The following BRINP3 variants were observed in gnomAD, a reference collection of about 807,000 sequenced individuals.
The protein encoded by BRINP3 is BMP/retinoic acid inducible neural specific 3, also known as BMP/retinoic acid-inducible neural-specific protein 3.
In BRINP3, 19 loss-of-function variants were observed where a neutral mutation model predicts 71.0. The observed-to-expected ratio is 0.27, with a 90% CI of 0.19 to 0.39. The LOEUF (loss-of-function observed/expected upper bound fraction) is 0.39. Ranked by LOEUF, BRINP3 falls within the 10% of genes least tolerant of loss-of-function variation. The pLI, the probability that BRINP3 is intolerant of heterozygous loss-of-function variation, is 1.00. For synonymous variants in BRINP3, 380 were observed against 337.7 expected (o/e 1.13, Z -1.37); for missense variants, 959 against 940.8 (o/e 1.02, Z -0.25).
chr1:190,420,234 T>A (rs1030248412), intron 2 of BRINP3, among the ~76,000 whole-genome samples: 28 of 151,942 alleles, frequency 1.8e-4, no homozygotes, highest in African/African-American at 6.5e-4. Flanking sequence ...AAGTTTTCAA[T>A]TGTCCCAATA....
At position 190,281,595 on chromosome 1, in the gene BRINP3, T is replaced by A; in HGVS notation, c.392A>T (p.Tyr131Phe). Residue 131 changes from tyrosine (Y) to phenylalanine (F), a missense_variant, in exon 3 of 8, where the codon TAT (tyrosine) becomes TTT (phenylalanine). Transcript: ENST00000367462. Reference protein sequence around the residue: ...QQITENLIKKYGTHFLLSATL... With the variant: ...QQITENLIKKFGTHFLLSATL... The stretch of plus-strand genomic sequence containing the variant: ...AGCAGATAGCAAGAAATGTGTCCCA[T>A]ATTTCTTGATAAGGTTTTCTGTGAT... 1 of 1,612,672 alleles carries A rather than the reference T, an allele frequency of 6.2e-7. No individual in the cohort carries two copies. The highest frequency in any genetic ancestry group is 8.5e-7 in the Non-Finnish European group (1 of 1,179,136).
chr1:190,306,565 G>A (rs963529341), intron 2 of BRINP3, among the ~76,000 whole-genome samples: 2 of 151,878 alleles, frequency 1.3e-5, no homozygotes, highest in African/African-American at 4.8e-5. Flanking sequence ...GGAGGTGGGG[G>A]TATAACTTTA....
At chr1:190,344,128 A>G (rs942803833) in intron 2 of BRINP3, among the ~76,000 whole-genome samples, 3 of 151,786 alleles carry the variant, frequency 2.0e-5, no homozygotes, top group Admixed American at 6.6e-5. Flanking sequence ...ATTTCAGTAG[A>G]AAAAAATCTT....
chr1:190,187,808 T>C (rs1041631438), intron 6 of BRINP3, among the ~76,000 whole-genome samples: 3 of 152,086 alleles, frequency 2.0e-5, no homozygotes, highest in Non-Finnish European at 2.9e-5. Flanking sequence ...TGAGGTCAGA[T>C]AGTGTGATGT....
chr1:190,359,263 G>C lies in BRINP3; in HGVS notation c.237-77513C>G, dbSNP rs111363388. Among the ~76,000 whole-genome samples the C allele has an allele frequency of 3.3e-3, 502 of 152,090 alleles. 6 individuals are homozygous for C. Among genetic ancestry groups the C allele is most frequent in the African/African-American group, 0.011 (474 of 41,494 alleles). On this transcript the variant is annotated intron_variant, in intron 2 of 7. Transcript: ENST00000367462. ...GGAAGAGGTCTAGCCTTTTCTCATC[G>C]CTCCTGGGAGGTATTTATTTCCCTT...
chr1:190,186,363 A>T (rs1349027914), intron 6 of BRINP3, among the ~76,000 whole-genome samples: 2 of 152,284 alleles, frequency 1.3e-5, no homozygotes, highest in East Asian at 3.9e-4. Flanking sequence ...GTGAAACTCC[A>T]TCTCAAAACA....
chr1:190,363,971 G>A (rs892072898), intron 2 of BRINP3, among the ~76,000 whole-genome samples: 2 of 151,902 alleles, frequency 1.3e-5, no homozygotes, highest in African/African-American at 4.8e-5. Context: ...GCAGTGTTTG[G>A]AGTATCTATA....
intron 2 of BRINP3, among the ~76,000 whole-genome samples, chr1:190,421,669 TGATA>T (rs1337960172): frequency 6.6e-6 from 1 of 151,718 alleles, no homozygotes; most frequent in African/African-American, 2.4e-5. Context: ...AGTTGCTATG[TGATA>T]GATAGATTTG....
intron 4 of BRINP3, among the ~76,000 whole-genome samples, chr1:190,243,071 G>A (rs1160326368): frequency 6.6e-6 from 1 of 152,104 alleles, no homozygotes; most frequent in African/African-American, 2.4e-5. Flanking sequence ...CCTAGTGAGA[G>A]AGACTATGCT....
At chr1:190,249,467 A>G (rs1312507963) in intron 4 of BRINP3, among the ~76,000 whole-genome samples, 1 of 151,928 alleles carries the variant, frequency 6.6e-6, no homozygotes, top group Non-Finnish European at 1.5e-5. Flanking sequence ...CACTAATCTT[A>G]TTAAAACAAA....
At chr1:190,138,062 C>T (rs1277598063) in intron 7 of BRINP3, among the ~76,000 whole-genome samples, 3 of 152,028 alleles carry the variant, frequency 2.0e-5, no homozygotes. Flanking sequence ...TCAAGCGATT[C>T]TCCTGCCTCA....
chr1:190,295,332 C>T (rs1664168665), intron 2 of BRINP3, among the ~76,000 whole-genome samples: 1 of 152,068 alleles, frequency 6.6e-6, no homozygotes, highest in African/African-American at 2.4e-5. Flanking sequence ...TTAGGCAAAG[C>T]CCCTGTACTC....
intron 2 of BRINP3, among the ~76,000 whole-genome samples, chr1:190,317,677 T>G (rs141863541): frequency 3.4e-3 from 516 of 152,256 alleles, no homozygotes; most frequent in African/African-American, 0.012. Flanking sequence ...ATATTCCAAA[T>G]AAGCATATAT....
At chr1:190,445,315 T>C (rs1009119968) in intron 2 of BRINP3, among the ~76,000 whole-genome samples, 1 of 152,160 alleles carries the variant, frequency 6.6e-6, no homozygotes, top group Non-Finnish European at 1.5e-5. Context: ...AATCTTTTAC[T>C]TTCATTCACA....
chr1:190,213,492 G>A (rs1364479971), intron 6 of BRINP3, among the ~76,000 whole-genome samples: 2 of 152,064 alleles, frequency 1.3e-5, no homozygotes, highest in Non-Finnish European at 2.9e-5. Flanking sequence ...AGAATTGAGA[G>A]ACTATGAATC....
At chr1:190,319,019 C>G (rs1666065123) in intron 2 of BRINP3, among the ~76,000 whole-genome samples, 1 of 152,022 alleles carries the variant, frequency 6.6e-6, no homozygotes, top group Non-Finnish European at 1.5e-5. Context: ...AAGCTAATAA[C>G]AGGAACAAGT....
intron 6 of BRINP3, among the ~76,000 whole-genome samples, chr1:190,222,307 G>A (rs1656959803): frequency 6.6e-6 from 1 of 151,036 alleles, no homozygotes; most frequent in Non-Finnish European, 1.5e-5. Context: ...ACATCCTACT[G>A]GACAGCTAAT....
intron 6 of BRINP3, among the ~76,000 whole-genome samples, chr1:190,180,916 C>T (rs189385577): frequency 4.6e-5 from 7 of 152,072 alleles, no homozygotes; most frequent in Admixed American, 3.9e-4. Flanking sequence ...TTGTATTTTA[C>T]ATCAGTAAAG....
At position 190,098,067 on chromosome 1, in the gene BRINP3, G is replaced by A. The variant is rs1443414909; in HGVS notation, c.2252C>T (p.Ala751Val). Reference sequence around the variant, plus strand: ...ATAATCCATTGTGTTTGGCAATTTGGCATTAAACGCCTGCAGAGCAGATTG... The same window carrying A: ...ATAATCCATTGTGTTTGGCAATTTGACATTAAACGCCTGCAGAGCAGATTG... ...RIQSALQAFN[A>V]KLPNTMDYDT... The change falls in exon 8 of 8, where the codon GCC (alanine) becomes GTC (valine). Residue 751 changes from alanine (A) to valine (V), a missense_variant. By Grantham distance (64) the Ala-to-Val change is moderately conservative. Coordinates refer to ENST00000367462, the MANE Select transcript of BRINP3 (RefSeq NM_199051.3). 6 of 1,613,714 alleles carry A rather than the reference G, an allele frequency of 3.7e-6. No individual in the cohort carries two copies. In the South Asian group the frequency reaches 6.6e-5, roughly 18 times the overall value.
Sources: allele counts gnomAD v4.1 joint callset (sites outside exome capture counted in the v4.1 genomes callset), GRCh38; gene constraint gnomAD v4.1.1; transcripts MANE v1.5; gene names NCBI Gene and HGNC (gene_info 2026-07-23, HGNC 2026-07-21).